The following TMEM163 variants were observed in gnomAD, a reference collection of about 807,000 sequenced individuals.
TMEM163 encodes the protein transmembrane protein 163.
A neutral mutation model predicts 29.3 loss-of-function variants in TMEM163; 17 were observed. The observed-to-expected ratio is 0.58, with a 90% CI of 0.40 to 0.87. The LOEUF is 0.87. Ranked by LOEUF, TMEM163 falls within the 40% of genes least tolerant of loss-of-function variation. The pLI is 0.00. For missense variants in TMEM163, 303 were observed against 381.5 expected (o/e 0.79, Z 1.71); for synonymous variants, 157 against 160.6 (o/e 0.98, Z 0.17).
intron 2 of TMEM163, among the ~76,000 whole-genome samples, chr2:134,617,269 T>A (rs973820992): frequency 6.6e-6 from 1 of 152,212 alleles, no homozygotes; most frequent in Non-Finnish European, 1.5e-5. Flanking sequence ...ATGCACATTA[T>A]AATCCCTAGA....
intron 4 of TMEM163, among the ~76,000 whole-genome samples, chr2:134,537,224 C>T (rs557083689): frequency 7.9e-5 from 12 of 152,226 alleles, no homozygotes; most frequent in African/African-American, 1.9e-4. Flanking sequence ...GGTCTACCTG[C>T]GGGAGAAAAA....
At chr2:134,710,391 T>C (rs1684900086) in intron 2 of TMEM163, among the ~76,000 whole-genome samples, 1 of 152,096 alleles carries the variant, frequency 6.6e-6, no homozygotes, top group South Asian at 2.1e-4. Context: ...CAGAAGATAC[T>C]CAGCTAAAAA....
At chr2:134,641,305 T>TG (rs1683215391) in intron 2 of TMEM163, among the ~76,000 whole-genome samples, 1 of 152,234 alleles carries the variant, frequency 6.6e-6, no homozygotes, top group South Asian at 2.1e-4. Context: ...AAATGGACTC[T>TG]GATTCCCACC....
intron 2 of TMEM163, among the ~76,000 whole-genome samples, chr2:134,570,345 C>T (rs1453808845): frequency 6.6e-6 from 1 of 152,056 alleles, no homozygotes; most frequent in African/African-American, 2.4e-5. Context: ...TTTGTGGGTA[C>T]AAGGCAGGAA....
chr2:134,561,770 T>C (rs1681188720), intron 2 of TMEM163, among the ~76,000 whole-genome samples: 1 of 152,220 alleles, frequency 6.6e-6, no homozygotes, highest in Admixed American at 6.5e-5. Context: ...TCAATTCATG[T>C]CCTGCAACCC....
intron 2 of TMEM163, among the ~76,000 whole-genome samples, chr2:134,592,334 T>C (rs1416628585): frequency 1.3e-5 from 2 of 152,162 alleles, no homozygotes; most frequent in Non-Finnish European, 2.9e-5. Flanking sequence ...CTGGCTGCAT[T>C]AATATTCTTT....
intron 2 of TMEM163, among the ~76,000 whole-genome samples, chr2:134,552,448 C>T (rs1326105130): frequency 6.6e-6 from 1 of 151,948 alleles, no homozygotes; most frequent in Non-Finnish European, 1.5e-5. Context: ...AAACTGTTCC[C>T]ATAATAAGGT....
At chr2:134,476,858 G>T (rs925617150) in intron 5 of TMEM163, among the ~76,000 whole-genome samples, 11 of 152,144 alleles carry the variant, frequency 7.2e-5, no homozygotes, top group African/African-American at 2.7e-4. Context: ...GCAGAAGCCT[G>T]GGTTCTACAT....
At chr2:134,591,589 C>A (rs1410110917) in intron 2 of TMEM163, among the ~76,000 whole-genome samples, 1 of 152,116 alleles carries the variant, frequency 6.6e-6, no homozygotes, top group Non-Finnish European at 1.5e-5. Context: ...GGTTCAAATG[C>A]CTCTGACAGT....
intron 2 of TMEM163, among the ~76,000 whole-genome samples, chr2:134,603,210 C>G (rs1464227770): frequency 6.6e-6 from 1 of 152,184 alleles, no homozygotes; most frequent in Non-Finnish European, 1.5e-5. Flanking sequence ...CACTCAAGGA[C>G]CTGGGCAGAC....
intron 6 of TMEM163, among the ~76,000 whole-genome samples, chr2:134,459,742 A>C (rs544669943): frequency 3.6e-5 from 5 of 139,722 alleles, no homozygotes; most frequent in African/African-American, 8.0e-5. Context: ...CTAGCCCCAC[A>C]CCCCCCTCCC....
intron 2 of TMEM163, among the ~76,000 whole-genome samples, chr2:134,553,711 C>T (rs1321581114): frequency 1.3e-5 from 2 of 152,180 alleles, no homozygotes; most frequent in Non-Finnish European, 2.9e-5. Flanking sequence ...CCTGCTGTTG[C>T]TCTTACTGGC....
chr2:134,703,062 T>A (rs28788021), intron 2 of TMEM163, among the ~76,000 whole-genome samples: 37,151 of 152,150 alleles, frequency 0.24, 5,553 homozygotes, highest in African/African-American at 0.4. Flanking sequence ...CATTTCAGGC[T>A]TTACATGGTT....
intron 1 of TMEM163, among the ~76,000 whole-genome samples, chr2:134,717,792 A>T (rs1202034822): frequency 6.6e-6 from 1 of 152,212 alleles, no homozygotes; most frequent in Non-Finnish European, 1.5e-5. Flanking sequence ...AGCAAGAAGT[A>T]GAAAAGGTGC....
At chr2:134,464,791 C>G (rs1015301179) in intron 6 of TMEM163, among the ~76,000 whole-genome samples, 4 of 152,138 alleles carry the variant, frequency 2.6e-5, no homozygotes, top group Non-Finnish European at 5.9e-5. Context: ...ACAGTCCCAC[C>G]ACCTCTGCAG....
intron 2 of TMEM163, among the ~76,000 whole-genome samples, chr2:134,576,111 C>T (rs566113011): frequency 6.6e-6 from 1 of 152,166 alleles, no homozygotes; most frequent in South Asian, 2.1e-4. Flanking sequence ...AAGAATAACT[C>T]CTGAGGAAAA....
intron 2 of TMEM163, among the ~76,000 whole-genome samples, chr2:134,589,229 AAAG>A (rs1306856508): frequency 6.6e-6 from 1 of 152,268 alleles, no homozygotes; most frequent in Non-Finnish European, 1.5e-5. Flanking sequence ...GTCAAAATTC[AAAG>A]AAGAATTGTT....
At chr2:134,515,890 C>A (rs1474871625) in intron 4 of TMEM163, among the ~76,000 whole-genome samples, 3 of 152,124 alleles carry the variant, frequency 2.0e-5, no homozygotes, top group Admixed American at 6.5e-5. Flanking sequence ...ATGTCTTCTC[C>A]AGCTACATCA....
chr2:134,575,864 G>C (rs971243424), intron 2 of TMEM163, among the ~76,000 whole-genome samples: 15 of 152,094 alleles, frequency 9.9e-5, no homozygotes, highest in African/African-American at 3.6e-4. Flanking sequence ...CGGGGAGGCA[G>C]GTCTCCAAAA....
Sources: gnomAD v4.1 joint callset for allele counts (sites outside exome capture counted in the v4.1 genomes callset) on GRCh38, gnomAD v4.1.1 for gene constraint, MANE v1.5 for transcripts, NCBI Gene and HGNC (gene_info 2026-07-23, HGNC 2026-07-21) for gene names.